The following CRY1 variants were observed in gnomAD, a reference collection of about 807,000 sequenced individuals.
CRY1 encodes cryptochrome circadian regulator 1.
CRY1 carries 45 observed loss-of-function variants against 76.0 expected under a neutral mutation model. The ratio of observed to expected loss-of-function variants is 0.59; its 90% CI spans 0.47 to 0.76. The LOEUF (loss-of-function observed/expected upper bound fraction) is 0.76. Ranked by LOEUF, CRY1 falls within the 30% of genes least tolerant of loss-of-function variation. CRY1 has a pLI of 0.00. For synonymous variants in CRY1, 248 were observed against 244.0 expected, an observed-to-expected ratio of 1.02 and a Z score of -0.15; for missense variants, 587 against 716.4, an observed-to-expected ratio of 0.82 and a Z score of 2.06.
At chr12:107,036,340 G>A (rs1237980117) in intron 1 of CRY1, among the ~76,000 whole-genome samples, 2 of 152,118 alleles carry the variant, frequency 1.3e-5, no homozygotes. Flanking sequence ...AATCTTAACA[G>A]CTCTATGTTC....
intron 1 of CRY1, among the ~76,000 whole-genome samples, chr12:107,050,846 G>A (rs543668352): frequency 1.3e-5 from 2 of 152,234 alleles, no homozygotes; most frequent in African/African-American, 4.8e-5. Context: ...GTGTTTGGAT[G>A]TCAATTATGA....
intron 1 of CRY1, among the ~76,000 whole-genome samples, chr12:107,062,828 C>T (rs937578495): frequency 6.6e-6 from 1 of 152,208 alleles, no homozygotes; most frequent in Non-Finnish European, 1.5e-5. Context: ...TCTTCCAGAA[C>T]AGTCCAGTCA....
chr12:107,038,322 T>C (rs1952760170), intron 1 of CRY1, among the ~76,000 whole-genome samples: 1 of 152,088 alleles, frequency 6.6e-6, no homozygotes, highest in African/African-American at 2.4e-5. Context: ...AGGAAAAGAA[T>C]GGCTGACAGA....
intron 1 of CRY1, among the ~76,000 whole-genome samples, chr12:107,060,196 T>G (rs10746082): frequency 0.69 from 105,620 of 152,122 alleles, 37,499 homozygotes; most frequent in East Asian, 0.97. Flanking sequence ...GTGCTATAGT[T>G]TGAATGTGTC....
intron 12 of CRY1, chr12:106,992,567 G>A (rs1459068016): frequency 7.1e-6 from 3 of 420,818 alleles, no homozygotes; most frequent in African/African-American, 3.9e-5. Context: ...AATTTAAAGA[G>A]CATTGGTTCA....
rs1952315638 is a variant in CRY1 at position 107,001,828 on chromosome 12, C to T, written c.531G>A (p.Lys177=). The T allele has an allele frequency of 2.5e-6, 4 of 1,590,536 alleles. No individual in the cohort carries two copies. The highest frequency in any genetic ancestry group is 3.4e-6 in the Non-Finnish European group (4 of 1,174,550). The change falls in exon 4 of 13, where the codon AAG becomes AAA. Residue 177 remains lysine (K), a synonymous_variant. Coordinates refer to ENST00000008527, the MANE Select transcript of CRY1 (RefSeq NM_004075.5). ...VETITSEVIE[K]CTTPLSDDHD... ...GGTCATCAGACAGAGGAGTTGTGCA[C>T]TTTTCTATCACTTCTGAAGTAATTG... is the stretch of plus-strand genomic sequence containing the variant.
chr12:107,027,546 T>A (rs1312156427), intron 1 of CRY1, among the ~76,000 whole-genome samples: 3 of 152,178 alleles, frequency 2.0e-5, no homozygotes, highest in Admixed American at 6.5e-5. Flanking sequence ...ATTACAATAC[T>A]GAACACACCA....
At chr12:107,046,477 A>G (rs1281079384) in intron 1 of CRY1, among the ~76,000 whole-genome samples, 1 of 152,198 alleles carries the variant, frequency 6.6e-6, no homozygotes, top group African/African-American at 2.4e-5. Flanking sequence ...AGAGAAAGAA[A>G]GAAACAAAGA....
chr12:106,999,902 T>G, intron 6 of CRY1, 40 bp from the exon 7 acceptor site: 1 of 1,588,548 alleles, frequency 6.3e-7, no homozygotes, highest in South Asian at 1.2e-5. Context: ...AGAATTTTTT[T>G]TTAAAGTATT....
rs139442406 is a variant in CRY1, at chr12:107,042,498, T to C, written c.159-20306A>G. Among the ~76,000 whole-genome samples, 1,143 of 152,250 alleles carry C rather than the reference T, an allele frequency of 7.5e-3. 19 individuals are homozygous for C. The highest frequency in any genetic ancestry group is 0.024 in the African/African-American group (1,013 of 41,532). ...AAAGGCACATCACTTCTGTGGCATT[T>C]TTCCCCCAAAATGCATAACCTTAAT... On this transcript the variant is annotated intron_variant, in intron 1 of 12. Coordinates refer to ENST00000008527, the MANE Select transcript of CRY1 (RefSeq NM_004075.5).
intron 2 of CRY1, among the ~76,000 whole-genome samples, chr12:107,010,788 GCCATGAATTGCAC>G (rs137895694): frequency 0.3 from 46,165 of 151,580 alleles, 8,219 homozygotes; most frequent in East Asian, 0.44. Flanking sequence ...GTTTTGGGGT[GCCATGAATTGCAC>G]CCATAAAAGA....
At chr12:107,021,826 T>C (rs557836908) in intron 2 of CRY1, among the ~76,000 whole-genome samples, 16 of 152,210 alleles carry the variant, frequency 1.1e-4, no homozygotes, top group Non-Finnish European at 2.2e-4. Context: ...AAGAAACTGG[T>C]AGTAGCTGTT....
In CRY1 at chr12:107,014,299, T is replaced by C. The variant is rs11113164; in HGVS notation, c.267+7785A>G. On this transcript the variant is annotated intron_variant, in intron 2 of 12. Transcript: ENST00000008527. ...ACTTATCAGAGGGTATAAATAGGCT[T>C]ACACAGAAATTCACCAGAGGGTGTA... Among the ~76,000 whole-genome samples, 1,155 of 152,298 alleles carry C rather than the reference T, an allele frequency of 7.6e-3. 10 individuals are homozygous for C. The highest frequency in any genetic ancestry group is 0.015 in the Admixed American group (237 of 15,296).
At chr12:107,049,643 G>C (rs1417810229) in intron 1 of CRY1, 2 of 152,222 alleles carry the variant, frequency 1.3e-5, no homozygotes, top group Non-Finnish European at 2.9e-5. Context: ...CTCCCAAAGT[G>C]CTGGAATTAC....
intron 1 of CRY1, among the ~76,000 whole-genome samples, chr12:107,055,839 T>C (rs1267547504): frequency 6.7e-6 from 1 of 149,876 alleles, no homozygotes; most frequent in Non-Finnish European, 1.5e-5. Context: ...AAAAAAAGAA[T>C]GAAAGAAAAG....
rs528125569 is a variant in CRY1, at chr12:107,001,982, T to A, written c.411-34A>T. ...AGAGTTAGTAAAATGTAGTTAGTAT[T>A]AAAAAAGACAATACATTTTGGCTAA... On this transcript the variant is annotated intron_variant, in intron 3 of 12. Coordinates refer to ENST00000008527, the MANE Select transcript of CRY1 (RefSeq NM_004075.5). The A allele has an allele frequency of 2.2e-4, 340 of 1,520,182 alleles. 3 individuals are homozygous for A. The South Asian group carries it at 4.2e-3, about 19-fold the overall frequency. The allele number at this position is 1,520,182 out of a possible 1,614,324, so 94.2% of individuals were successfully genotyped here.
chr12:107,066,884 C>G (rs1193130789), intron 1 of CRY1, among the ~76,000 whole-genome samples: 3 of 152,096 alleles, frequency 2.0e-5, no homozygotes, highest in Non-Finnish European at 4.4e-5. Flanking sequence ...ACCACACCCT[C>G]GACCTCACAT....
intron 1 of CRY1, chr12:107,050,213 G>A (rs778344398): frequency 6.6e-6 from 1 of 152,164 alleles, no homozygotes; most frequent in African/African-American, 2.4e-5. Flanking sequence ...GGGCTGGGAA[G>A]AAAGATGGCA....
chr12:107,011,520 G>A (rs1245857736), intron 2 of CRY1, among the ~76,000 whole-genome samples: 1 of 152,146 alleles, frequency 6.6e-6, no homozygotes, highest in Non-Finnish European at 1.5e-5. Flanking sequence ...CAGCCTTAAT[G>A]GCGATATGGA....
Sources: allele counts gnomAD v4.1 joint callset (sites outside exome capture counted in the v4.1 genomes callset), GRCh38; gene constraint gnomAD v4.1.1; transcripts MANE v1.5; gene names NCBI Gene and HGNC (gene_info 2026-07-23, HGNC 2026-07-21).